RBPMS: variants seen among roughly 807,000 people sequenced by gnomAD.
The protein encoded by RBPMS is RNA binding protein, mRNA processing factor, also known as RNA-binding protein with multiple splicing.
RBPMS carries 7 observed loss-of-function variants against 26.8 expected under a neutral mutation model. The ratio of observed to expected loss-of-function variants is 0.26; its 90% CI spans 0.15 to 0.49. The LOEUF (loss-of-function observed/expected upper bound fraction) is 0.49. RBPMS is among the 20% of genes least tolerant of loss of function. The pLI, the probability that RBPMS is intolerant of heterozygous loss-of-function variation, is 0.98. For synonymous variants in RBPMS, 96 were observed against 93.3 expected (o/e 1.03, Z -0.17); for missense variants, 186 against 250.0 (o/e 0.74, Z 1.73).
At chr8:30,449,923 T>C (rs1222425187) in intron 1 of RBPMS, among the ~76,000 whole-genome samples, 2 of 152,370 alleles carry the variant, frequency 1.3e-5, no homozygotes, top group African/African-American at 4.8e-5. Context: ...CAACAGAAAA[T>C]CTTCAAAAAT....
chr8:30,476,925 G>T (rs1817757772), intron 2 of RBPMS, among the ~76,000 whole-genome samples: 1 of 152,144 alleles, frequency 6.6e-6, no homozygotes, highest in South Asian at 2.1e-4. Flanking sequence ...GATTATTTTT[G>T]CATGTCCCCA....
chr8:30,566,895 C>A (rs565054798), intron 8 of RBPMS, among the ~76,000 whole-genome samples: 4 of 152,242 alleles, frequency 2.6e-5, no homozygotes, highest in African/African-American at 4.8e-5. Context: ...GACTGTGGGC[C>A]TCTTAGTAGT....
chr8:30,424,368 T>C (rs73669933), intron 1 of RBPMS, among the ~76,000 whole-genome samples: 8 of 152,308 alleles, frequency 5.3e-5, no homozygotes, highest in African/African-American at 1.9e-4. Flanking sequence ...AGAATGTAAA[T>C]AGGTGCTCAA....
chr8:30,432,345 C>T lies in RBPMS; in HGVS notation c.67-42434C>T, dbSNP rs994778432. 2.6e-5 allele frequency among the ~76,000 whole-genome samples: 4 copies of T among 152,174 alleles called. No homozygotes were observed. In the South Asian group the frequency reaches 8.3e-4, roughly 32 times the overall value. On this transcript the variant is annotated intron_variant, in intron 1 of 8. Transcript: ENST00000397323. ...CTGCAGACAAGTTAGCCCTGCATCT[C>T]ATTTACATAATATTTTTTACTCTTA...
intron 1 of RBPMS, among the ~76,000 whole-genome samples, chr8:30,431,357 C>CTCTCTT (rs1563312219): frequency 6.8e-6 from 1 of 148,122 alleles, no homozygotes; most frequent in African/African-American, 2.5e-5. Context: ...TTTTTTCTTT[C>CTCTCTT]TCTTTCTTTC....
chr8:30,543,011 C>A (rs1044732635), intron 5 of RBPMS, among the ~76,000 whole-genome samples: 2 of 152,220 alleles, frequency 1.3e-5, no homozygotes, highest in African/African-American at 4.8e-5. Context: ...CCTAGATGCA[C>A]AGGCAGTCTG....
chr8:30,420,693 A>G (rs973799955), intron 1 of RBPMS, among the ~76,000 whole-genome samples: 5 of 152,246 alleles, frequency 3.3e-5, no homozygotes, highest in African/African-American at 9.6e-5. Context: ...GAAAGATACT[A>G]TCTTTTGGGA....
At chr8:30,531,522 A>T (rs1824224714) in intron 5 of RBPMS, among the ~76,000 whole-genome samples, 1 of 152,248 alleles carries the variant, frequency 6.6e-6, no homozygotes, top group Non-Finnish European at 1.5e-5. Flanking sequence ...CAGCTCAGTT[A>T]GTCTAAACTC....
At chr8:30,548,830 T>A (rs535410496) in intron 6 of RBPMS, among the ~76,000 whole-genome samples, 134 of 152,012 alleles carry the variant, frequency 8.8e-4, no homozygotes, top group African/African-American at 2.1e-3. Flanking sequence ...AAACTAGATT[T>A]AAAAAAAAGC....
intron 2 of RBPMS, among the ~76,000 whole-genome samples, chr8:30,475,251 A>G (rs1360346110): frequency 6.6e-6 from 1 of 152,252 alleles, no homozygotes; most frequent in Admixed American, 6.5e-5. Context: ...GTTGATGGTA[A>G]TATTTCCTGG....
chr8:30,408,015 G>A (rs935277957), intron 1 of RBPMS, among the ~76,000 whole-genome samples: 9 of 152,046 alleles, frequency 5.9e-5, no homozygotes, highest in Non-Finnish European at 5.9e-5. Flanking sequence ...TAAGCTCTCA[G>A]CAATCAGTAA....
chr8:30,510,552 C>A (rs891338164), intron 5 of RBPMS, among the ~76,000 whole-genome samples: 1 of 151,912 alleles, frequency 6.6e-6, no homozygotes, highest in Non-Finnish European at 1.5e-5. Flanking sequence ...ACCTGCTCCC[C>A]CTCCTGCCCT....
intron 1 of RBPMS, among the ~76,000 whole-genome samples, chr8:30,395,461 C>CAAAAAAAAAAAAAAAAAAAAAAA (rs55914538): frequency 2.3e-5 from 1 of 43,798 alleles, no homozygotes; most frequent in Admixed American, 3.4e-4. Flanking sequence ...GACTCTGTCT[C>CAAAAAAAAAAAAAAAAAAAAAAA]AAAAAAAAAA....
At chr8:30,412,775 C>A (rs1809602297) in intron 1 of RBPMS, among the ~76,000 whole-genome samples, 1 of 152,094 alleles carries the variant, frequency 6.6e-6, no homozygotes, top group African/African-American at 2.4e-5. Flanking sequence ...CACACATATT[C>A]AATAGAGAGG....
intron 1 of RBPMS, among the ~76,000 whole-genome samples, chr8:30,420,887 G>A (rs557025570): frequency 2.4e-4 from 37 of 152,140 alleles, no homozygotes; most frequent in African/African-American, 7.7e-4. Flanking sequence ...GAGAGTCCGG[G>A]GTCTATCTAG....
chr8:30,550,936 A>G (rs1056335458), intron 6 of RBPMS, among the ~76,000 whole-genome samples: 3 of 152,108 alleles, frequency 2.0e-5, no homozygotes, highest in East Asian at 1.9e-4. Context: ...TCACTTTCCT[A>G]TCGGAGAAAC....
At chr8:30,472,897 G>A (rs952105066) in intron 1 of RBPMS, among the ~76,000 whole-genome samples, 4 of 152,154 alleles carry the variant, frequency 2.6e-5, no homozygotes, top group African/African-American at 9.7e-5. Flanking sequence ...GCAACATGGT[G>A]AAACCCCATC....
intron 5 of RBPMS, among the ~76,000 whole-genome samples, chr8:30,523,612 G>T (rs1016777122): frequency 3.3e-5 from 5 of 150,646 alleles, no homozygotes; most frequent in African/African-American, 1.2e-4. Flanking sequence ...GACAGGGGAA[G>T]AATTCCTCAA....
At chr8:30,501,264 C>G (rs1306759791) in intron 4 of RBPMS, among the ~76,000 whole-genome samples, 3 of 136,816 alleles carry the variant, frequency 2.2e-5, no homozygotes, top group Admixed American at 1.5e-4. Flanking sequence ...CACCCCACCC[C>G]TGACCCCTCC....
Sources: allele counts gnomAD v4.1 joint callset (sites outside exome capture counted in the v4.1 genomes callset), GRCh38; gene constraint gnomAD v4.1.1; transcripts MANE v1.5; gene names NCBI Gene and HGNC (gene_info 2026-07-23, HGNC 2026-07-21).